The following CHD9 variants were observed in gnomAD, a reference collection of about 807,000 sequenced individuals.
CHD9 encodes the protein ATP-dependent chromatin remodeler CHD9.
Under a neutral mutation model 316.1 loss-of-function variants are expected in CHD9, and 77 were observed. The ratio of observed to expected loss-of-function variants is 0.24; its 90% CI spans 0.20 to 0.29. The LOEUF is 0.29. Among genes scored for constraint, CHD9 ranks in the 10% least tolerant of loss-of-function variants. CHD9 has a pLI of 1.00. For missense variants in CHD9, 2,763 were observed against 3,438.1 expected (o/e 0.80, Z 4.91); for synonymous variants, 1,129 against 1,158.3 (o/e 0.97, Z 0.51).
At chr16:53,259,648 G>A (rs1030287546) in intron 19 of CHD9, among the ~76,000 whole-genome samples, 1 of 152,164 alleles carries the variant, frequency 6.6e-6, no homozygotes, top group African/African-American at 2.4e-5. Flanking sequence ...ATGTTGCTGG[G>A]ACCACAGGCA....
intron 1 of CHD9, among the ~76,000 whole-genome samples, chr16:53,127,516 A>G (rs1385983325): frequency 6.6e-6 from 1 of 152,190 alleles, no homozygotes; most frequent in Non-Finnish European, 1.5e-5. Context: ...AATGGTTACA[A>G]GTTATAGCCT....
intron 3 of CHD9, among the ~76,000 whole-genome samples, chr16:53,211,402 GT>G: frequency 6.6e-6 from 1 of 152,146 alleles, no homozygotes; most frequent in East Asian, 1.9e-4. Context: ...TGTGATATCT[GT>G]GTTTTTGTTA....
At chr16:53,216,245 A>G (rs1198052015) in intron 3 of CHD9, among the ~76,000 whole-genome samples, 2 of 152,108 alleles carry the variant, frequency 1.3e-5, no homozygotes, top group Non-Finnish European at 2.9e-5. Context: ...TTCTATAGCA[A>G]TTGGGTGTTT....
At chr16:53,273,915 C>A in intron 23 of CHD9, 130 bp downstream of exon 23, 1 of 830,994 alleles carries the variant, frequency 1.2e-6, no homozygotes, top group Non-Finnish European at 1.9e-6. Flanking sequence ...CCTAATTTTA[C>A]AAGGTATCCT....
At chr16:53,061,869 A>T (rs1459760457) in intron 1 of CHD9, among the ~76,000 whole-genome samples, 2 of 152,218 alleles carry the variant, frequency 1.3e-5, no homozygotes, top group Non-Finnish European at 2.9e-5. Flanking sequence ...AGTGTTTCTG[A>T]CTTTGCTTTC....
chr16:53,083,415 A>G (rs1402346854), intron 1 of CHD9, among the ~76,000 whole-genome samples: 1 of 152,206 alleles, frequency 6.6e-6, no homozygotes, highest in Non-Finnish European at 1.5e-5. Context: ...ACTGGCAGCA[A>G]AAAGATAATG....
chr16:53,274,603 G>A (rs1329224050), intron 24 of CHD9, among the ~76,000 whole-genome samples: 1 of 151,974 alleles, frequency 6.6e-6, no homozygotes, highest in Non-Finnish European at 1.5e-5. Context: ...TTACAGGCAT[G>A]CGTCACCACG....
chr16:53,120,868 T>A (rs1183906242), intron 1 of CHD9, among the ~76,000 whole-genome samples: 1 of 151,832 alleles, frequency 6.6e-6, no homozygotes, highest in Non-Finnish European at 1.5e-5. Context: ...TAGCTGGGTG[T>A]GGTGGTGCAC....
At position 53,306,338 on chromosome 16, in the gene CHD9, C is replaced by T; in HGVS notation, c.6721C>T (p.Pro2241Ser). 1 of 1,610,772 alleles carries T rather than the reference C, an allele frequency of 6.2e-7. No individual in the cohort carries two copies. The highest frequency in any genetic ancestry group is 8.5e-7 in the Non-Finnish European group (1 of 1,178,446). Residue 2241 changes from proline (P) to serine (S), a missense_variant, in exon 32 of 39, where the codon CCA (proline) becomes TCA (serine). Pro to Ser is a moderately conservative substitution (Grantham distance 74). Coordinates refer to ENST00000447540, the MANE Select transcript of CHD9 (RefSeq NM_001308319.2). ...TAGTTTTCAGATGAACAATGGGACA[C>T]CAGAGTCTGCTTATATCTTACAAGG... ...QDSFQMNNGT[P>S]ESAYILQGGY...
At chr16:53,269,662 A>G (rs747059704) in intron 22 of CHD9, among the ~76,000 whole-genome samples, 1 of 152,192 alleles carries the variant, frequency 6.6e-6, no homozygotes, top group Non-Finnish European at 1.5e-5. Context: ...TTGAAACTCC[A>G]CTAGAAAAAA....
intron 4 of CHD9, 82 bp from the exon 5 acceptor site, chr16:53,226,284 T>TTA (rs1164709470): frequency 3.4e-6 from 3 of 878,994 alleles, no homozygotes; most frequent in Non-Finnish European, 4.9e-6. Context: ...ATATACAAAA[T>TTA]TGCCAACTCT....
chr16:53,128,308 G>T (rs570777978), intron 1 of CHD9, among the ~76,000 whole-genome samples: 1 of 152,064 alleles, frequency 6.6e-6, no homozygotes, highest in Non-Finnish European at 1.5e-5. Flanking sequence ...TCAGCCTCCC[G>T]AGTAGCTGGG....
At chr16:53,304,672 T>G in intron 31 of CHD9, 47 bp downstream of exon 31, 1 of 1,160,632 alleles carries the variant, frequency 8.6e-7, no homozygotes, top group Non-Finnish European at 1.1e-6. Flanking sequence ...ACTTTTCTTT[T>G]CTTTTCTTTT....
chr16:53,089,770 G>A (rs1379240584), intron 1 of CHD9, among the ~76,000 whole-genome samples: 1 of 152,212 alleles, frequency 6.6e-6, no homozygotes, highest in African/African-American at 2.4e-5. Context: ...ACTGATGGCA[G>A]TTGAGTATGT....
chr16:53,141,273 T>C (rs1482994094), intron 1 of CHD9, among the ~76,000 whole-genome samples: 2 of 152,228 alleles, frequency 1.3e-5, no homozygotes, highest in African/African-American at 4.8e-5. Flanking sequence ...ATTACATAGC[T>C]GGTAAGTGAT....
rs2055710838 is a variant in CHD9 at position 53,304,230 on chromosome 16, C to T, written c.6224C>T (p.Ser2075Phe). The T allele has an allele frequency of 1.9e-6, 3 of 1,610,830 alleles. No homozygotes were observed. Among genetic ancestry groups the T allele is most frequent in the Non-Finnish European group, 2.5e-6 (3 of 1,178,592 alleles). The change falls in exon 31 of 39, where the codon TCT becomes TTT. Residue 2075 changes from serine (S) to phenylalanine (F), a missense_variant. Transcript: ENST00000447540. ...GTGGAAACCAGGACACTAATAAAAT[C>T]TGAGCCTGTAAGTCCAAAGAATGGT... ...SSVETRTLIK[S>F]EPVSPKNGVL... is the part of the protein sequence containing the mutation.
chr16:53,228,463 T>C (rs2047850137), intron 7 of CHD9, among the ~76,000 whole-genome samples: 1 of 152,018 alleles, frequency 6.6e-6, no homozygotes, highest in Admixed American at 6.5e-5. Flanking sequence ...AACTCATGAG[T>C]TGCTAACTGG....
chr16:53,101,298 A>T, intron 1 of CHD9, among the ~76,000 whole-genome samples: 1 of 132,950 alleles, frequency 7.5e-6, no homozygotes, highest in Admixed American at 8.1e-5. Context: ...TTTTTGAGAC[A>T]GGGTCTCACT....
intron 1 of CHD9, among the ~76,000 whole-genome samples, chr16:53,141,479 C>CT (rs1230745630): frequency 1.3e-5 from 2 of 152,064 alleles, no homozygotes; most frequent in African/African-American, 2.4e-5. Flanking sequence ...CATTTTAACT[C>CT]TTTTTTAAGT....
Sources: allele counts gnomAD v4.1 joint callset (sites outside exome capture counted in the v4.1 genomes callset), GRCh38; gene constraint gnomAD v4.1.1; transcripts MANE v1.5; gene names NCBI Gene and HGNC (gene_info 2026-07-23, HGNC 2026-07-21).